Variants in BLTP3A observed in about 807,000 individuals in gnomAD.
BLTP3A encodes the protein bridge-like lipid transfer protein family member 3A.
chr6:34,803,116 C>A, the BLTP3A span, among the ~76,000 whole-genome samples: 3 of 151,636 alleles, frequency 2.0e-5, no homozygotes, highest in African/African-American at 7.3e-5. Context: ...GCCGGGAGGT[C>A]AAGGTTGCAG....
At chr6:34,829,298 T>C in the BLTP3A span, among the ~76,000 whole-genome samples, 2 of 152,296 alleles carry the variant, frequency 1.3e-5, no homozygotes, top group East Asian at 3.9e-4. Context: ...ACTCATCTAC[T>C]GTCTATGTCT....
the BLTP3A span, among the ~76,000 whole-genome samples, chr6:34,834,020 T>C: frequency 1.3e-5 from 2 of 151,920 alleles, no homozygotes; most frequent in Non-Finnish European, 2.9e-5. Context: ...GAGGATCACT[T>C]GAGGCCAGGA....
the BLTP3A span, among the ~76,000 whole-genome samples, chr6:34,797,946 G>C: frequency 6.6e-6 from 1 of 152,122 alleles, no homozygotes; most frequent in Admixed American, 6.5e-5. Context: ...CCACTCTGCT[G>C]CTATAATGCC....
the BLTP3A span, among the ~76,000 whole-genome samples, chr6:34,814,476 T>A: frequency 6.6e-6 from 1 of 152,208 alleles, no homozygotes; most frequent in South Asian, 2.1e-4. Context: ...CGTATATATG[T>A]TATATCATTA....
the BLTP3A span, chr6:34,875,337 G>C: frequency 1.3e-5 from 2 of 152,096 alleles, no homozygotes; most frequent in African/African-American, 4.8e-5. Context: ...GTTCTTGAAG[G>C]GGGAGGAAGG....
At chr6:34,871,512 A>T in the BLTP3A span, 1 of 1,450,554 alleles carries the variant, frequency 6.9e-7, no homozygotes, top group South Asian at 1.1e-5. Flanking sequence ...AAGCTGAATG[A>T]TGGGAGCATG....
chr6:34,868,748 C>T, the BLTP3A span, among the ~76,000 whole-genome samples: 2 of 148,900 alleles, frequency 1.3e-5, no homozygotes, highest in Non-Finnish European at 3.0e-5. Flanking sequence ...AAAATTAGCT[C>T]GGTGTGGCGG....
At chr6:34,855,608 AT>A in the BLTP3A span, 1 of 1,612,660 alleles carries the variant, frequency 6.2e-7, no homozygotes, top group Non-Finnish European at 8.5e-7. Context: ...CTGTATTTTT[AT>A]TTTATAGGTG....
chr6:34,872,366 G>A, the BLTP3A span: 11 of 1,612,924 alleles, frequency 6.8e-6, no homozygotes, highest in African/African-American at 1.3e-5. Context: ...AACAAGCCTT[G>A]GCCAATGCCA....
the BLTP3A span, chr6:34,858,618 C>A: frequency 6.2e-7 from 1 of 1,614,132 alleles, no homozygotes; most frequent in Non-Finnish European, 8.5e-7. Flanking sequence ...AACCATCAGC[C>A]AGTTTTGGAA....
chr6:34,837,716 C>G, the BLTP3A span, among the ~76,000 whole-genome samples: 1 of 152,150 alleles, frequency 6.6e-6, no homozygotes, highest in African/African-American at 2.4e-5. Context: ...CAACCCTCCT[C>G]TACTCTCATT....
At chr6:34,863,199 G>A in the BLTP3A span, among the ~76,000 whole-genome samples, 2 of 152,124 alleles carry the variant, frequency 1.3e-5, no homozygotes, top group Admixed American at 6.5e-5. Context: ...GAGTCACTGC[G>A]CCCGGCCTGA....
the BLTP3A span, among the ~76,000 whole-genome samples, chr6:34,843,295 T>G: frequency 1.2e-4 from 19 of 152,288 alleles, no homozygotes; most frequent in Middle Eastern, 0.014. Context: ...ATGTTACTTT[T>G]ATTTTTTTTT....
chr6:34,863,237 A>C, the BLTP3A span, among the ~76,000 whole-genome samples: 1 of 152,088 alleles, frequency 6.6e-6, no homozygotes, highest in Non-Finnish European at 1.5e-5. Flanking sequence ...CTTTAACTGT[A>C]ACCTTGGGAC....
the BLTP3A span, among the ~76,000 whole-genome samples, chr6:34,868,960 TAAC>T: frequency 6.6e-6 from 1 of 152,006 alleles, no homozygotes; most frequent in Non-Finnish European, 1.5e-5. Flanking sequence ...CATAAAATAA[TAAC>T]AATACAATGA....
At chr6:34,820,055 AG>A in the BLTP3A span, among the ~76,000 whole-genome samples, 4 of 152,034 alleles carry the variant, frequency 2.6e-5, no homozygotes, top group Non-Finnish European at 5.9e-5. Context: ...AGATATGTGT[AG>A]GGGTCTGGGA....
the BLTP3A span, among the ~76,000 whole-genome samples, chr6:34,864,786 G>T: frequency 1.3e-5 from 2 of 151,988 alleles, no homozygotes; most frequent in South Asian, 4.1e-4. Context: ...TGGCCAACAT[G>T]GTAAAAACCT....
At chr6:34,871,824 G>T in the BLTP3A span, 25 of 1,614,074 alleles carry the variant, frequency 1.5e-5, no homozygotes, top group Non-Finnish European at 2.0e-5. Context: ...TCCAGCTGCT[G>T]CTCAGGACAA....
chr6:34,870,559 C>G, the BLTP3A span, among the ~76,000 whole-genome samples: 1 of 152,116 alleles, frequency 6.6e-6, no homozygotes, highest in Admixed American at 6.5e-5. Flanking sequence ...GGCCATTAGC[C>G]CACTGTCTCA....
Sources: allele counts gnomAD v4.1 joint callset (sites outside exome capture counted in the v4.1 genomes callset), GRCh38; gene constraint gnomAD v4.1.1; transcripts MANE v1.5; gene names NCBI Gene and HGNC (gene_info 2026-07-23, HGNC 2026-07-21).